Variants in ARV1 observed in about 807,000 individuals in gnomAD.
ARV1 encodes the protein protein ARV1.
In ARV1, 26 loss-of-function variants were observed where a neutral mutation model predicts 31.1. The observed-to-expected ratio is 0.84, with a 90% CI of 0.61 to 1.16. ARV1 has a LOEUF of 1.16. Among genes scored for constraint, ARV1 ranks in the 50% most tolerant of loss-of-function variants. The pLI, the probability that ARV1 is intolerant of heterozygous loss-of-function variation, is 0.00. For synonymous variants in ARV1, 117 were observed against 123.2 expected (o/e 0.95, Z 0.34); for missense variants, 281 against 324.9 (o/e 0.86, Z 1.04).
chr1:230,984,361 T>TGTGTGTGTGTGTGC (rs10628275), intron 1 of ARV1, among the ~76,000 whole-genome samples: 82 of 103,390 alleles, frequency 7.9e-4, no homozygotes, highest in Middle Eastern at 9.5e-3. Context: ...TGTGTGTGTG[T>TGTGTGTGTGTGTGC]GCGTGTGTGT....
At chr1:230,988,530 TATAAA>T (rs1679143791) in intron 2 of ARV1, 91 bp downstream of exon 2, 2 of 1,156,712 alleles carry the variant, frequency 1.7e-6, no homozygotes, top group South Asian at 1.8e-5. Context: ...TAAAGAATAT[TATAAA>T]AGAGGAAAAG....
intron 3 of ARV1, among the ~76,000 whole-genome samples, chr1:230,992,594 G>A (rs2103053131): frequency 6.6e-6 from 1 of 152,310 alleles, no homozygotes; most frequent in African/African-American, 2.4e-5. Flanking sequence ...AAGCACTTAG[G>A]TGCCTGGCCC....
intron 2 of ARV1, among the ~76,000 whole-genome samples, chr1:230,989,759 T>C (rs922877065): frequency 2.6e-5 from 4 of 152,284 alleles, no homozygotes; most frequent in South Asian, 2.1e-4. Flanking sequence ...AAATCAAAAA[T>C]GTATAATGAA....
chr1:230,995,916 A>G lies in ARV1; in HGVS notation c.605A>G (p.Asp202Gly). The G allele has an allele frequency of 6.2e-7, 1 of 1,614,150 alleles. No individual in the cohort carries two copies. The highest frequency in any genetic ancestry group is 1.6e-4 in the Middle Eastern group (1 of 6,062). The part of the protein sequence containing the change: ...LLIPAVIWEH[D>G]YTSVCLKLIK... ...ATTCCAGCTGTCATTTGGGAACATG[A>G]CTACACATCTGTGTGCCTCAAACTC... Residue 202 changes from aspartate to glycine, a missense_variant, in exon 4 of 6, where the codon GAC (aspartate) becomes GGC (glycine). Asp to Gly is a moderately conservative substitution (Grantham distance 94). Transcript: ENST00000310256.
chr1:230,984,186 G>T (rs554302841), intron 1 of ARV1, among the ~76,000 whole-genome samples: 1 of 152,314 alleles, frequency 6.6e-6, no homozygotes, highest in Non-Finnish European at 1.5e-5. Flanking sequence ...GGAAGCAGAG[G>T]CTGTAGTGGG....
intron 1 of ARV1, among the ~76,000 whole-genome samples, chr1:230,985,455 C>T (rs2103045826): frequency 6.6e-6 from 1 of 152,280 alleles, no homozygotes; most frequent in East Asian, 1.9e-4. Context: ...TTGGAAGTTC[C>T]TGGTCCATAA....
chr1:230,994,050 C>T (rs910340987), intron 3 of ARV1, among the ~76,000 whole-genome samples: 1 of 152,176 alleles, frequency 6.6e-6, no homozygotes, highest in African/African-American at 2.4e-5. Context: ...TAGATTTTCC[C>T]GAAGTCTCAC....
intron 3 of ARV1, 136 bp from the exon 4 acceptor site, chr1:230,995,624 G>A: frequency 1.6e-6 from 1 of 633,130 alleles, no homozygotes; most frequent in Non-Finnish European, 2.5e-6. Flanking sequence ...AGAAGAAAAA[G>A]AGATTGTGAT....
At chr1:230,991,789 G>C (rs1679235227) in intron 3 of ARV1, among the ~76,000 whole-genome samples, 1 of 151,998 alleles carries the variant, frequency 6.6e-6, no homozygotes, top group Non-Finnish European at 1.5e-5. Context: ...GTGCCACCAT[G>C]CTTAGCTAAT....
chr1:230,989,942 T>G (rs1333060990), intron 2 of ARV1, among the ~76,000 whole-genome samples, 168 bp from the exon 3 acceptor site: 2 of 152,224 alleles, frequency 1.3e-5, no homozygotes, highest in African/African-American at 4.8e-5. Context: ...TGATGGACAT[T>G]GCTGATTAAA....
chr1:230,996,220 C>T (rs1268687325), intron 4 of ARV1, among the ~76,000 whole-genome samples: 1 of 152,082 alleles, frequency 6.6e-6, no homozygotes, highest in Non-Finnish European at 1.5e-5. Flanking sequence ...CATCTCTGTC[C>T]TGTGAGGTTA....
At chr1:230,991,050 T>C (rs1414222309) in intron 3 of ARV1, among the ~76,000 whole-genome samples, 1 of 152,224 alleles carries the variant, frequency 6.6e-6, no homozygotes, top group Non-Finnish European at 1.5e-5. Context: ...TCTGAGTGCA[T>C]GCAGGGAATT....
intron 5 of ARV1, among the ~76,000 whole-genome samples, chr1:230,998,259 A>T (rs1410436885): frequency 6.6e-6 from 1 of 152,072 alleles, no homozygotes; most frequent in African/African-American, 2.4e-5. Flanking sequence ...GAGCAGAGGG[A>T]CACAGACCCC....
At chr1:230,983,311 C>T (rs1322317502) in intron 1 of ARV1, among the ~76,000 whole-genome samples, 3 of 150,586 alleles carry the variant, frequency 2.0e-5, no homozygotes, top group Non-Finnish European at 4.4e-5. Context: ...ACTCGGGAGG[C>T]TGAGGCAGGA....
intron 1 of ARV1, among the ~76,000 whole-genome samples, chr1:230,982,894 C>T (rs1262281403): frequency 6.6e-6 from 1 of 152,086 alleles, no homozygotes; most frequent in Non-Finnish European, 1.5e-5. Context: ...ATACTTTGGT[C>T]TCTTCCCTGC....
intron 1 of ARV1, among the ~76,000 whole-genome samples, chr1:230,980,423 G>A (rs1678843795): frequency 1.3e-5 from 2 of 151,594 alleles, no homozygotes; most frequent in Admixed American, 6.6e-5. Flanking sequence ...TAAAACCTCT[G>A]CCTCCCAAGT....
chr1:230,991,360 A>C (rs1679221636), intron 3 of ARV1, among the ~76,000 whole-genome samples: 1 of 152,094 alleles, frequency 6.6e-6, no homozygotes, highest in Non-Finnish European at 1.5e-5. Context: ...GAACTCTCAA[A>C]TGTCCATCTA....
At chr1:230,992,341 T>C (rs1407166355) in intron 3 of ARV1, among the ~76,000 whole-genome samples, 1 of 152,052 alleles carries the variant, frequency 6.6e-6, no homozygotes, top group African/African-American at 2.4e-5. Flanking sequence ...CCGGAATGCC[T>C]GTCCCCCTGA....
intron 1 of ARV1, among the ~76,000 whole-genome samples, chr1:230,980,604 G>A (rs139535316): frequency 6.6e-6 from 1 of 152,130 alleles, no homozygotes; most frequent in Non-Finnish European, 1.5e-5. Context: ...AAAGTGCTGG[G>A]GTTACAGGCA....
Sources: allele counts gnomAD v4.1 joint callset (sites outside exome capture counted in the v4.1 genomes callset), GRCh38; gene constraint gnomAD v4.1.1; transcripts MANE v1.5; gene names NCBI Gene and HGNC (gene_info 2026-07-23, HGNC 2026-07-21).